RERE: variants seen among roughly 807,000 people sequenced by gnomAD.
RERE encodes the protein arginine-glutamic acid dipeptide repeats protein.
RERE carries 40 observed loss-of-function variants against 146.1 expected under a neutral mutation model. The ratio of observed to expected loss-of-function variants is 0.27; its 90% CI spans 0.21 to 0.36. RERE has a LOEUF of 0.36. Ranked by LOEUF, RERE falls within the 10% of genes least tolerant of loss-of-function variation. The pLI, the probability that RERE is intolerant of heterozygous loss-of-function variation, is 1.00. For missense variants in RERE, 1,933 were observed against 2,138.7 expected (o/e 0.90, Z 1.90); for synonymous variants, 1,003 against 866.0 (o/e 1.16, Z -2.78).
intron 7 of RERE, among the ~76,000 whole-genome samples, chr1:8,518,253 C>T (rs917389134): frequency 6.6e-6 from 1 of 152,118 alleles, no homozygotes; most frequent in African/African-American, 2.4e-5. Context: ...AAGAGCTGAC[C>T]CCCTCATTCA....
At chr1:8,772,763 AG>A (rs1320323550) in intron 1 of RERE, among the ~76,000 whole-genome samples, 1 of 151,992 alleles carries the variant, frequency 6.6e-6, no homozygotes. Context: ...TGGGCAACAG[AG>A]CAAGACTCGG....
intron 15 of RERE, among the ~76,000 whole-genome samples, chr1:8,363,180 C>T (rs573164069): frequency 5.3e-5 from 8 of 152,366 alleles, no homozygotes; most frequent in East Asian, 1.9e-4. Context: ...CTTTAAAGCA[C>T]CCTACACCCT....
intron 8 of RERE, among the ~76,000 whole-genome samples, chr1:8,499,659 G>C (rs544192853): frequency 6.6e-6 from 1 of 152,336 alleles, no homozygotes; most frequent in African/African-American, 2.4e-5. Flanking sequence ...CTAGCCATCA[G>C]CACCCACACA....
At chr1:8,601,069 G>A (rs1011171323) in intron 4 of RERE, among the ~76,000 whole-genome samples, 3 of 143,346 alleles carry the variant, frequency 2.1e-5, no homozygotes, top group African/African-American at 5.3e-5. Context: ...AGCCAGGTTG[G>A]AGTGCAGTGG....
intron 11 of RERE, among the ~76,000 whole-genome samples, chr1:8,431,860 G>C (rs535121802): frequency 6.6e-6 from 1 of 152,232 alleles, no homozygotes; most frequent in East Asian, 1.9e-4. Context: ...ATTTCTGTCA[G>C]CTGCAGCAGA....
At chr1:8,687,641 G>A (rs1030740034) in intron 1 of RERE, among the ~76,000 whole-genome samples, 3 of 152,110 alleles carry the variant, frequency 2.0e-5, no homozygotes, top group African/African-American at 7.2e-5. Flanking sequence ...GGGGAGAGTC[G>A]TAATTTCTCC....
At chr1:8,479,415 C>A (rs1644803120) in intron 10 of RERE, among the ~76,000 whole-genome samples, 1 of 151,876 alleles carries the variant, frequency 6.6e-6, no homozygotes. Context: ...ATATACACAT[C>A]AAATCCCTGG....
rs537546735 is a variant in RERE, at chr1:8,372,800, C to G, written c.1285-6826G>C. ...AGGCATCTAAACCAGATCCCTGCAACGTCACATATGCCCAGGCTCTGGCCT... is the reference window on the plus strand; with the variant it reads ...AGGCATCTAAACCAGATCCCTGCAAGGTCACATATGCCCAGGCTCTGGCCT... On this transcript the variant is annotated intron_variant, in intron 12 of 22. Transcript: ENST00000400908. Among the ~76,000 whole-genome samples, 17 of 152,312 alleles carry G rather than the reference C, an allele frequency of 1.1e-4. No homozygotes were observed. In the South Asian group the frequency reaches 3.1e-3, roughly 28 times the overall value.
intron 1 of RERE, chr1:8,753,940 A>G (rs1011975499): frequency 6.6e-6 from 1 of 152,200 alleles, no homozygotes; most frequent in Non-Finnish European, 1.5e-5. Context: ...TGTTTGTGCA[A>G]ATGGGCCAGT....
At chr1:8,627,675 G>A (rs1237715083) in intron 2 of RERE, among the ~76,000 whole-genome samples, 1 of 150,400 alleles carries the variant, frequency 6.6e-6, no homozygotes, top group Non-Finnish European at 1.5e-5. Flanking sequence ...TTTACACAAA[G>A]AAAAGCTTTA....
At chr1:8,654,519 T>C (rs1638224407) in intron 2 of RERE, among the ~76,000 whole-genome samples, 1 of 152,222 alleles carries the variant, frequency 6.6e-6, no homozygotes, top group Non-Finnish European at 1.5e-5. Flanking sequence ...AGCTTTAATC[T>C]GCTAATTACA....
At chr1:8,662,326 T>C (rs1238557137) in intron 1 of RERE, among the ~76,000 whole-genome samples, 2 of 152,106 alleles carry the variant, frequency 1.3e-5, no homozygotes, top group Admixed American at 6.5e-5. Context: ...TCAAAACCAA[T>C]TCAGACAAAG....
At chr1:8,545,310 G>T (rs1645844836) in intron 6 of RERE, among the ~76,000 whole-genome samples, 1 of 152,322 alleles carries the variant, frequency 6.6e-6, no homozygotes, top group African/African-American at 2.4e-5. Flanking sequence ...ACTCATTTCA[G>T]TAATCCTTCC....
intron 1 of RERE, among the ~76,000 whole-genome samples, chr1:8,743,403 C>T (rs930208478): frequency 3.4e-4 from 51 of 151,216 alleles, no homozygotes; most frequent in South Asian, 1.7e-3. Context: ...CTCAGCCTCC[C>T]GAGTAGCTGG....
rs1269897897 is a variant in RERE, at chr1:8,773,227, ATTAT to A, written c.-145+43929_-145+43932del. 2.6e-5 allele frequency among the ~76,000 whole-genome samples: 4 copies of A among 152,358 alleles called. No homozygotes were observed. In the East Asian group the frequency reaches 5.8e-4, roughly 22 times the overall value. ...AATTTTAAGGTCCAAAAATGTTACT[ATTAT>A]TTGTCATCTTAACTTAAAGATCTAA... On this transcript the variant is annotated intron_variant, in intron 1 of 22. Transcript: ENST00000400908.
intron 3 of RERE, among the ~76,000 whole-genome samples, chr1:8,618,513 C>T (rs184481805): frequency 2.6e-3 from 398 of 152,232 alleles, no homozygotes; most frequent in African/African-American, 9.3e-3. Flanking sequence ...TCCTGCCCAC[C>T]CCCCAACCAA....
intron 1 of RERE, among the ~76,000 whole-genome samples, chr1:8,680,036 T>A (rs550653625): frequency 1.3e-5 from 2 of 152,178 alleles, no homozygotes; most frequent in Non-Finnish European, 2.9e-5. Flanking sequence ...ATAATCATCA[T>A]GGAATAGCTG....
intron 1 of RERE, among the ~76,000 whole-genome samples, chr1:8,692,960 C>T (rs1262261883): frequency 6.6e-6 from 1 of 152,104 alleles, no homozygotes; most frequent in Non-Finnish European, 1.5e-5. Flanking sequence ...TTATGGTCCT[C>T]GTTTCTCCTG....
chr1:8,728,933 G>A (rs965921747), intron 1 of RERE, among the ~76,000 whole-genome samples: 3 of 152,086 alleles, frequency 2.0e-5, no homozygotes, highest in Non-Finnish European at 2.9e-5. Flanking sequence ...TTGGGAGGCC[G>A]AGGCAGGTGA....
Sources: allele counts gnomAD v4.1 joint callset (sites outside exome capture counted in the v4.1 genomes callset), GRCh38; gene constraint gnomAD v4.1.1; transcripts MANE v1.5; gene names NCBI Gene and HGNC (gene_info 2026-07-23, HGNC 2026-07-21).